The following YWHAZ variants were observed in gnomAD, a reference collection of about 807,000 sequenced individuals.
YWHAZ encodes the protein 14-3-3 protein zeta/delta.
For missense variants in YWHAZ, 79 were observed against 284.8 expected, an observed-to-expected ratio of 0.28 and a Z score of 5.20; for synonymous variants, 87 against 103.6, an observed-to-expected ratio of 0.84 and a Z score of 0.97.
chr8:100,950,290 T>TC (rs1810612829), intron 1 of YWHAZ: 1 of 816,812 alleles, frequency 1.2e-6, no homozygotes, highest in African/African-American at 1.9e-5. Context: ...AAGGATTCTC[T>TC]CCCCAATCAC....
chr8:100,953,291 G>T, upstream of YWHAZ: 4 of 985,574 alleles, frequency 4.1e-6, no homozygotes, highest in Non-Finnish European at 4.8e-6. Context: ...TAGAAGCAAG[G>T]TTTGAGGGAC....
intron 2 of YWHAZ, among the ~76,000 whole-genome samples, chr8:100,929,123 G>A (rs1212459239): frequency 6.6e-6 from 1 of 151,986 alleles, no homozygotes; most frequent in Non-Finnish European, 1.5e-5. Flanking sequence ...TTTTGGGGGT[G>A]CATGTGATAT....
chr8:100,939,237 T>G (rs1452485624), intron 2 of YWHAZ, among the ~76,000 whole-genome samples: 1 of 152,182 alleles, frequency 6.6e-6, no homozygotes, highest in East Asian at 1.9e-4. Context: ...CTTTTTTTTT[T>G]TAATCAACTG....
intron 2 of YWHAZ, among the ~76,000 whole-genome samples, chr8:100,947,753 C>A (rs1418900042): frequency 1.3e-5 from 2 of 152,264 alleles, no homozygotes; most frequent in South Asian, 2.1e-4. Flanking sequence ...CCAGAAAAAT[C>A]GAGATGCTGC....
Position 100,951,921 on chromosome 8 carries a change from T to C in YWHAZ, c.-12+8A>G, listed in dbSNP as rs959015588. The C allele has an allele frequency of 9.0e-6, 9 of 996,508 alleles. No individual in the cohort carries two copies. The African/African-American group carries it at 1.4e-4, about 16-fold the overall frequency. The allele number at this position is 996,508 out of a possible 1,614,324, so 61.7% of individuals were successfully genotyped here. ...GAAGCGAGGCGCGGCGGCGGCCGGGTTCCTCACCTGTGTCCGGAGTGGGTG... is the reference window on the plus strand; with the variant it reads ...GAAGCGAGGCGCGGCGGCGGCCGGGCTCCTCACCTGTGTCCGGAGTGGGTG... On this transcript the variant is annotated splice_region_variant and intron_variant, in intron 1 of 5. Coordinates refer to ENST00000395958, the MANE Select transcript of YWHAZ (RefSeq NM_145690.3).
intron 5 of YWHAZ, among the ~76,000 whole-genome samples, chr8:100,921,002 G>C (rs890369442): frequency 6.6e-6 from 1 of 152,056 alleles, no homozygotes; most frequent in African/African-American, 2.4e-5. Context: ...GGAAAGTTTT[G>C]GTTATCCACA....
chr8:100,953,149 C>T (rs906430129), upstream of YWHAZ: 11 of 985,864 alleles, frequency 1.1e-5, no homozygotes, highest in Non-Finnish European at 1.3e-5. Context: ...GTCCTGGCAG[C>T]CTTGACCCGG....
Position 100,924,866 on chromosome 8 carries a change from C to T in YWHAZ, c.418+50G>A, listed in dbSNP as rs780800326. 1.9e-6 allele frequency: 3 copies of T among 1,606,778 alleles called. No individual in the cohort carries two copies. On this transcript the variant is annotated intron_variant, in intron 3 of 5. Transcript: ENST00000395958. This position sits in a 1 kb window ranked among gnomAD's most constrained non-coding sequence, Gnocchi z 5.7. ...TATGTACGCTTCAGAGACTCTTCCTCACTATGTTATCTTATACAAGTTCAA... is the reference window on the plus strand; with the variant it reads ...TATGTACGCTTCAGAGACTCTTCCTTACTATGTTATCTTATACAAGTTCAA...
chr8:100,952,668 C>A (rs1260879127), upstream of YWHAZ: 1 of 538,734 alleles, frequency 1.9e-6, no homozygotes. Context: ...TCGGCGGCTC[C>A]GGCATTGTGA....
chr8:100,953,108 G>C (rs1810919707), upstream of YWHAZ: 1 of 989,142 alleles, frequency 1.0e-6, no homozygotes, highest in South Asian at 4.7e-5. Flanking sequence ...GAGGGGAAAG[G>C]ACAGCCTTCT....
intron 2 of YWHAZ, among the ~76,000 whole-genome samples, chr8:100,926,531 A>G (rs570977018): frequency 6.6e-6 from 1 of 152,294 alleles, no homozygotes; most frequent in South Asian, 2.1e-4. Flanking sequence ...AGGCAGGAGA[A>G]CTGCTTGAGC....
chr8:100,935,059 A>AG (rs1423181573), intron 2 of YWHAZ: 1 of 152,004 alleles, frequency 6.6e-6, no homozygotes, highest in African/African-American at 2.4e-5. Flanking sequence ...AGGCTGAGCC[A>AG]GGAGAATTGC....
At position 100,922,389 on chromosome 8, in the gene YWHAZ, CTTT is replaced by C. The variant is rs5893539; in HGVS notation, c.678+1563_678+1565del. The stretch of plus-strand genomic sequence containing the variant: ...AATCAAAACCCTGGTTTTTTCTTTT[CTTT>C]TTTTTTTTTTTTGAGACAGAGTCTC... On this transcript the variant is annotated intron_variant, in intron 5 of 5. Coordinates refer to ENST00000395958, the MANE Select transcript of YWHAZ (RefSeq NM_145690.3). The surrounding 1 kb of genome is among the most constrained non-coding windows in gnomAD (Gnocchi z 4.1). 3.1e-4 allele frequency: 40 copies of C among 131,082 alleles called. No homozygotes were observed. The highest frequency in any genetic ancestry group is 3.3e-4 in the Non-Finnish European group (20 of 60,194). The allele number at this position is 131,082 out of a possible 1,614,324, so 8.1% of individuals were successfully genotyped here.
chr8:100,950,641 G>A (rs1445844476), intron 1 of YWHAZ: 2 of 937,632 alleles, frequency 2.1e-6, no homozygotes, highest in Non-Finnish European at 1.3e-6. Flanking sequence ...AGCAGCCCGC[G>A]CCCCCGCCCA....
intron 2 of YWHAZ, among the ~76,000 whole-genome samples, chr8:100,938,660 A>T (rs1182725650): frequency 2.0e-5 from 3 of 152,204 alleles, no homozygotes; most frequent in Non-Finnish European, 4.4e-5. Context: ...GCCTTGTATA[A>T]ATCCTAGATC....
In YWHAZ at chr8:100,948,728, G is replaced by T. The variant is rs912893388; in HGVS notation, c.162C>A (p.Ala54=). ...AGACGACCCTCCAAGATGACCTACG[G>T]GCTCCTACAACATTTTTATAAGCAA... The part of the protein sequence containing the change: ...LSVAYKNVVG[A]RRSSWRVVSS... Residue 54 remains alanine, a synonymous_variant, in exon 2 of 6, where the codon GCC becomes GCA. Transcript: ENST00000395958. This position sits in a 1 kb window ranked among gnomAD's most constrained non-coding sequence, Gnocchi z 4.2. The T allele has an allele frequency of 3.1e-6, 5 of 1,599,794 alleles. No individual in the cohort carries two copies. The highest frequency in any genetic ancestry group is 4.2e-6 in the Non-Finnish European group (5 of 1,179,860).
chr8:100,950,660 G>A lies in YWHAZ; in HGVS notation c.-12+1269C>T, dbSNP rs56202193. On this transcript the variant is annotated intron_variant, in intron 1 of 5. Coordinates refer to ENST00000395958, the MANE Select transcript of YWHAZ (RefSeq NM_145690.3). ...GCCCGCGCCCCCGCCCAAGCCGTGG[G>A]GGGGGGGGAGAGATGGGGAGCGAAG... The A allele has an allele frequency of 3.4e-5, 31 of 903,654 alleles. 1 individual carries two copies. The Admixed American group carries it at 1.3e-3, about 38-fold the overall frequency. The allele number at this position is 903,654 out of a possible 1,614,324, so 56.0% of individuals were successfully genotyped here.
In YWHAZ at chr8:100,933,724, C is replaced by T. The variant is rs1369559795; in HGVS notation, c.295-8685G>A. Among the ~76,000 whole-genome samples the T allele has an allele frequency of 5.3e-5, 8 of 152,108 alleles. No homozygotes were observed. In the East Asian group the frequency reaches 1.3e-3, roughly 26 times the overall value. The stretch of plus-strand genomic sequence containing the variant: ...CTAATTTCTGTCAATAAAGGACTAA[C>T]GGCCAGGTGTGGTGGCTTATACCTT... On this transcript the variant is annotated intron_variant, in intron 2 of 5. Coordinates refer to ENST00000395958, the MANE Select transcript of YWHAZ (RefSeq NM_145690.3).
At position 100,920,542 on chromosome 8, in the gene YWHAZ, T is replaced by C. The variant is rs1430223290; in HGVS notation, c.*151A>G. 15 of 768,866 alleles carry C rather than the reference T, an allele frequency of 2.0e-5. No individual in the cohort carries two copies. In the Admixed American group the frequency reaches 3.7e-4, roughly 19 times the overall value. The allele number at this position is 768,866 out of a possible 1,614,324, so 47.6% of individuals were successfully genotyped here. A position where few individuals can be genotyped will look rare whatever the true frequency, so the allele number is the denominator to read the frequency against. On this transcript the variant is annotated 3_prime_UTR_variant, in exon 6 of 6. Transcript: ENST00000395958. ...GGCTCTACTCCCCTAATATTAAACA[T>C]AAAAACCACATGGGAAATATAGAAA...
Sources: allele counts gnomAD v4.1 joint callset (sites outside exome capture counted in the v4.1 genomes callset), GRCh38; gene constraint gnomAD v4.1.1; non-coding constraint Gnocchi (gnomAD v3.1); transcripts MANE v1.5; gene names NCBI Gene and HGNC (gene_info 2026-07-23, HGNC 2026-07-21).